ZBTB7C: variants seen among roughly 807,000 people sequenced by gnomAD.
ZBTB7C encodes zinc finger and BTB domain-containing protein 7C.
In ZBTB7C, 8 loss-of-function variants were observed where a neutral mutation model predicts 25.7. The observed-to-expected ratio is 0.31, with a 90% CI of 0.18 to 0.56. The LOEUF (loss-of-function observed/expected upper bound fraction) is 0.56, where lower values mean the gene tolerates loss of function less well. Ranked by LOEUF, ZBTB7C falls within the 20% of genes least tolerant of loss-of-function variation. ZBTB7C has a pLI of 0.91. For missense variants in ZBTB7C, 824 were observed against 855.2 expected, an observed-to-expected ratio of 0.96 and a Z score of 0.46; for synonymous variants, 394 against 369.0, an observed-to-expected ratio of 1.07 and a Z score of -0.78.
chr18:48,259,366 C>A (rs942782850), intron 2 of ZBTB7C, among the ~76,000 whole-genome samples: 3 of 147,994 alleles, frequency 2.0e-5, no homozygotes, highest in Admixed American at 6.7e-5. Flanking sequence ...TAAATATATA[C>A]CTTCTACCAT....
intron 2 of ZBTB7C, among the ~76,000 whole-genome samples, chr18:48,261,182 T>C (rs1024329784): frequency 6.6e-6 from 1 of 152,150 alleles, no homozygotes; most frequent in Non-Finnish European, 1.5e-5. Context: ...ATTGAATGTG[T>C]TGGAGAAAAG....
At chr18:48,226,107 C>T (rs2043085086) in intron 2 of ZBTB7C, among the ~76,000 whole-genome samples, 1 of 152,204 alleles carries the variant, frequency 6.6e-6, no homozygotes. Context: ...CAGACTGTTC[C>T]AGCTGAACAA....
chr18:48,228,147 C>T (rs1350531596), intron 2 of ZBTB7C, among the ~76,000 whole-genome samples: 1 of 152,078 alleles, frequency 6.6e-6, no homozygotes, highest in East Asian at 1.9e-4. Flanking sequence ...GCATGGCTCC[C>T]GAGCTGGGGA....
At chr18:48,097,424 T>C (rs2144591006) in intron 3 of ZBTB7C, among the ~76,000 whole-genome samples, 1 of 124,274 alleles carries the variant, frequency 8.0e-6, no homozygotes, top group East Asian at 2.4e-4. Flanking sequence ...TGAGACAGAG[T>C]CTTGCTCTGT....
intron 2 of ZBTB7C, among the ~76,000 whole-genome samples, chr18:48,294,367 G>A (rs1346452060): frequency 6.6e-6 from 1 of 150,720 alleles, no homozygotes; most frequent in African/African-American, 2.4e-5. Context: ...CCACTCCCAG[G>A]CCCCGTTCCT....
intron 2 of ZBTB7C, among the ~76,000 whole-genome samples, chr18:48,328,048 G>C (rs984132084): frequency 4.0e-5 from 6 of 151,892 alleles, no homozygotes; most frequent in Non-Finnish European, 8.8e-5. Flanking sequence ...CGGGCGTGGT[G>C]GCGGGTGCCT....
intron 1 of ZBTB7C, among the ~76,000 whole-genome samples, chr18:48,368,119 C>A (rs1164749287): frequency 6.6e-6 from 1 of 151,408 alleles, no homozygotes; most frequent in Non-Finnish European, 1.5e-5. Context: ...CAATAGATGC[C>A]AACTCCAAGA....
intron 2 of ZBTB7C, among the ~76,000 whole-genome samples, chr18:48,257,047 T>C (rs892696592): frequency 1.3e-5 from 2 of 151,914 alleles, no homozygotes; most frequent in Admixed American, 1.3e-4. Flanking sequence ...CTAAACATTA[T>C]AATTAAAAGG....
chr18:48,123,623 G>A (rs1235991842), intron 3 of ZBTB7C, among the ~76,000 whole-genome samples: 6 of 152,058 alleles, frequency 3.9e-5, no homozygotes, highest in Admixed American at 1.3e-4. Context: ...CAAACATCCT[G>A]CATGTTAAAC....
intron 3 of ZBTB7C, chr18:48,147,767 C>G (rs2144868618): frequency 6.6e-6 from 1 of 152,014 alleles, no homozygotes; most frequent in African/African-American, 2.4e-5. Flanking sequence ...AGACGTGCCA[C>G]CACGCCTGGC....
chr18:48,382,411 C>T (rs1263607987), intron 1 of ZBTB7C, among the ~76,000 whole-genome samples: 1 of 152,200 alleles, frequency 6.6e-6, no homozygotes, highest in Non-Finnish European at 1.5e-5. Context: ...ACGGCTATTT[C>T]CACTCTGTTT....
At chr18:48,281,581 CA>C (rs1193864399) in intron 2 of ZBTB7C, among the ~76,000 whole-genome samples, 1 of 152,126 alleles carries the variant, frequency 6.6e-6, no homozygotes, top group African/African-American at 2.4e-5. Context: ...GGCTAATATC[CA>C]GAATCTACAA....
chr18:48,293,400 A>G (rs529205673), intron 2 of ZBTB7C, among the ~76,000 whole-genome samples: 57 of 152,310 alleles, frequency 3.7e-4, no homozygotes, highest in African/African-American at 1.3e-3. Flanking sequence ...TCACATTAGG[A>G]ATTAGGGTTT....
chr18:48,053,191 ATGTC>A (rs925002124), intron 3 of ZBTB7C, among the ~76,000 whole-genome samples: 1 of 152,196 alleles, frequency 6.6e-6, no homozygotes, highest in African/African-American at 2.4e-5. Context: ...GGCAGCTTCC[ATGTC>A]TGTCTTCCCA....
chr18:48,055,831 AC>A (rs777104697), intron 3 of ZBTB7C, among the ~76,000 whole-genome samples: 16 of 152,224 alleles, frequency 1.1e-4, no homozygotes, highest in African/African-American at 3.4e-4. Flanking sequence ...TGGTTTCCAG[AC>A]CATCATAAAT....
chr18:48,048,744 A>T (rs927332117), intron 3 of ZBTB7C, among the ~76,000 whole-genome samples: 6 of 152,140 alleles, frequency 3.9e-5, no homozygotes, highest in African/African-American at 1.2e-4. Context: ...TTTTGCAGAG[A>T]TCTACGCTAT....
intron 3 of ZBTB7C, among the ~76,000 whole-genome samples, chr18:48,169,332 C>T (rs758298331): frequency 6.6e-6 from 1 of 152,196 alleles, no homozygotes. Flanking sequence ...GCCTTACCCT[C>T]TGTTACTTAA....
At position 48,279,693 on chromosome 18, in the gene ZBTB7C, C is replaced by T. The variant is rs533914514; in HGVS notation, c.-79+58481G>A. Among the ~76,000 whole-genome samples, 14 of 152,322 alleles carry T rather than the reference C, an allele frequency of 9.2e-5. No individual in the cohort carries two copies. In the East Asian group the frequency reaches 9.7e-4, roughly 11 times the overall value. On this transcript the variant is annotated intron_variant, in intron 2 of 4. Coordinates refer to ENST00000590800, the MANE Select transcript of ZBTB7C (RefSeq NM_001318841.2). ...AGTCTTAAGCCTCAGGCAGCTCCCC[C>T]ACTGAAGCCTCACTGGTGGGAGCTG...
intron 1 of ZBTB7C, among the ~76,000 whole-genome samples, chr18:48,405,507 T>C (rs1442349469): frequency 6.6e-6 from 1 of 152,236 alleles, no homozygotes; most frequent in South Asian, 2.1e-4. Flanking sequence ...GTACCTCACT[T>C]TGTGCAAATG....
Sources: allele counts gnomAD v4.1 joint callset (sites outside exome capture counted in the v4.1 genomes callset), GRCh38; gene constraint gnomAD v4.1.1; transcripts MANE v1.5; gene names NCBI Gene and HGNC (gene_info 2026-07-23, HGNC 2026-07-21).